ATOSB: variants seen among roughly 807,000 people sequenced by gnomAD.
ATOSB encodes atos homolog B.
At chr9:35,109,980 A>C in the ATOSB span, 1 of 151,940 alleles carries the variant, frequency 6.6e-6, no homozygotes, top group Non-Finnish European at 1.5e-5. Flanking sequence ...GGAGAGAAAA[A>C]TTTCCCAGAT....
the ATOSB span, chr9:35,107,474 T>C: frequency 6.2e-7 from 1 of 1,610,352 alleles, no homozygotes; most frequent in Non-Finnish European, 8.5e-7. Flanking sequence ...GGCCCAGGGA[T>C]CCCCGGCGCC....
chr9:35,110,519 C>T, the ATOSB span: 1 of 152,342 alleles, frequency 6.6e-6, no homozygotes, highest in African/African-American at 2.4e-5. Context: ...GCCACCCAGC[C>T]AGTCTGGCTC....
the ATOSB span, chr9:35,107,264 A>T: frequency 8.1e-7 from 1 of 1,241,230 alleles, no homozygotes; most frequent in Non-Finnish European, 1.1e-6. Flanking sequence ...AGGAGGTTGC[A>T]GTCAGCTGAG....
chr9:35,105,292 T>C, the ATOSB span: 3 of 1,614,150 alleles, frequency 1.9e-6, no homozygotes, highest in East Asian at 4.5e-5. The surrounding 1 kb of genome is among the most constrained non-coding windows in gnomAD (Gnocchi z 5.5). Context: ...GGGAGCCCTG[T>C]GTCCAGCTCC....
At chr9:35,109,289 CCTGT>C in the ATOSB span, 1 of 152,436 alleles carries the variant, frequency 6.6e-6, no homozygotes, top group African/African-American at 2.4e-5. Context: ...CCTCCAGCAG[CCTGT>C]CTCTTTAACA....
chr9:35,106,751 T>C, the ATOSB span: 1 of 1,504,800 alleles, frequency 6.6e-7, no homozygotes, highest in Non-Finnish European at 9.0e-7. The surrounding 1 kb of genome is among the most constrained non-coding windows in gnomAD (Gnocchi z 4.6). Context: ...TGCCCTGGGG[T>C]CCCCTACTCG....
At chr9:35,105,255 G>C in the ATOSB span, 1 of 1,613,954 alleles carries the variant, frequency 6.2e-7, no homozygotes, top group Non-Finnish European at 8.5e-7. This position sits in a 1 kb window ranked among gnomAD's most constrained non-coding sequence, Gnocchi z 5.5. Flanking sequence ...ATTATGAGGG[G>C]CCTCGGTCAC....
chr9:35,105,114 G>A, the ATOSB span: 4 of 1,226,246 alleles, frequency 3.3e-6, no homozygotes, highest in East Asian at 2.6e-5. This position sits in a 1 kb window ranked among gnomAD's most constrained non-coding sequence, Gnocchi z 5.5. Flanking sequence ...CATGGTGAGG[G>A]CTTTAATTCA....
At chr9:35,107,523 G>A in the ATOSB span, 3 of 1,600,504 alleles carry the variant, frequency 1.9e-6, no homozygotes, top group South Asian at 3.4e-5. Context: ...GCTGACATCT[G>A]GGGCTTCTCC....
the ATOSB span, chr9:35,110,250 C>G: frequency 6.6e-6 from 1 of 152,266 alleles, no homozygotes; most frequent in Non-Finnish European, 1.5e-5. Context: ...TACCTGCAAC[C>G]AACCTTGTCA....
chr9:35,108,352 G>A, the ATOSB span: 1 of 1,441,978 alleles, frequency 6.9e-7, no homozygotes, highest in Non-Finnish European at 9.1e-7. Context: ...GGGGACATCT[G>A]TGTAAGAGAA....
the ATOSB span, among the ~76,000 whole-genome samples, chr9:35,113,423 A>G: frequency 6.6e-6 from 1 of 152,164 alleles, no homozygotes; most frequent in Non-Finnish European, 1.5e-5. Flanking sequence ...CAGGAGTTCG[A>G]GACCAGCCTG....
chr9:35,114,990 C>T, the ATOSB span, among the ~76,000 whole-genome samples: 119 of 151,636 alleles, frequency 7.8e-4, 2 homozygotes, highest in South Asian at 0.024. Context: ...CCAGGCCAGG[C>T]CCTGGGGCAA....
the ATOSB span, among the ~76,000 whole-genome samples, chr9:35,114,982 A>G: frequency 6.7e-6 from 1 of 150,330 alleles, no homozygotes; most frequent in African/African-American, 2.5e-5. Flanking sequence ...GGCAAGGGCC[A>G]GGCCAGGCCC....
At chr9:35,104,499 G>T in the ATOSB span, 1 of 195,288 alleles carries the variant, frequency 5.1e-6, no homozygotes. Flanking sequence ...CTGGAGTCTG[G>T]AGCCCTAGGT....
the ATOSB span, among the ~76,000 whole-genome samples, chr9:35,107,149 C>A: frequency 6.6e-6 from 1 of 151,732 alleles, no homozygotes; most frequent in Non-Finnish European, 1.5e-5. Context: ...TGGCGAAACC[C>A]CATTTCTACC....
At chr9:35,115,456 C>A in the ATOSB span, among the ~76,000 whole-genome samples, 1 of 151,936 alleles carries the variant, frequency 6.6e-6, no homozygotes, top group Non-Finnish European at 1.5e-5. Flanking sequence ...CAACCCCTTC[C>A]CCTAGATAGT....
At chr9:35,112,950 G>A in the ATOSB span, among the ~76,000 whole-genome samples, 1 of 152,064 alleles carries the variant, frequency 6.6e-6, no homozygotes, top group Admixed American at 6.6e-5. Context: ...GTCCCTCTAA[G>A]CTCCCTTCTC....
the ATOSB span, chr9:35,105,172 G>T: frequency 6.4e-7 from 1 of 1,565,918 alleles, no homozygotes; most frequent in South Asian, 1.2e-5. The surrounding 1 kb of genome is among the most constrained non-coding windows in gnomAD (Gnocchi z 5.5). Context: ...CTCTAAGATG[G>T]AGCAGGATGG....
Sources: allele counts gnomAD v4.1 joint callset (sites outside exome capture counted in the v4.1 genomes callset), GRCh38; gene constraint gnomAD v4.1.1; non-coding constraint Gnocchi (gnomAD v3.1); transcripts MANE v1.5; gene names NCBI Gene and HGNC (gene_info 2026-07-23, HGNC 2026-07-21).